PARD3: variants seen among roughly 807,000 people sequenced by gnomAD.
The protein encoded by PARD3 is partitioning defective 3 homolog.
A neutral mutation model predicts 155.4 loss-of-function variants in PARD3; 75 were observed. The ratio of observed to expected loss-of-function variants is 0.48; its 90% CI spans 0.40 to 0.58. The LOEUF (loss-of-function observed/expected upper bound fraction) is 0.58, where lower values mean the gene tolerates loss of function less well. Ranked by LOEUF, PARD3 falls within the 20% of genes least tolerant of loss-of-function variation. The pLI, the probability that PARD3 is intolerant of heterozygous loss-of-function variation, is 0.00. For synonymous variants in PARD3, 576 were observed against 610.5 expected (o/e 0.94, Z 0.83); for missense variants, 1,642 against 1,721.7 (o/e 0.95, Z 0.82).
chr10:34,327,473 G>A (rs753179398), intron 19 of PARD3, among the ~76,000 whole-genome samples: 10 of 152,208 alleles, frequency 6.6e-5, no homozygotes, highest in Non-Finnish European at 1.0e-4. Context: ...GAAGAGGCCA[G>A]CCTGTTCAGT....
At chr10:34,486,941 A>T (rs1295726707) in intron 3 of PARD3, among the ~76,000 whole-genome samples, 1 of 152,066 alleles carries the variant, frequency 6.6e-6, no homozygotes, top group African/African-American at 2.4e-5. Flanking sequence ...ATCATTTCTC[A>T]GCTTGATTTA....
chr10:34,504,441 A>AG (rs1284284058), intron 3 of PARD3, among the ~76,000 whole-genome samples: 3 of 152,010 alleles, frequency 2.0e-5, no homozygotes, highest in Admixed American at 1.3e-4. Flanking sequence ...AAAAAAAAAA[A>AG]AAAAGAAAAG....
At chr10:34,402,965 C>T (rs191558949) in intron 5 of PARD3, among the ~76,000 whole-genome samples, 1 of 152,134 alleles carries the variant, frequency 6.6e-6, no homozygotes, top group African/African-American at 2.4e-5. Flanking sequence ...ATTTGAATAA[C>T]GATAAAGATA....
intron 2 of PARD3, among the ~76,000 whole-genome samples, chr10:34,596,893 GA>G (rs1236890078): frequency 2.0e-5 from 3 of 152,142 alleles, no homozygotes; most frequent in Non-Finnish European, 4.4e-5. Flanking sequence ...GGAGAGTGGG[GA>G]TTTAACTAGT....
intron 20 of PARD3, among the ~76,000 whole-genome samples, chr10:34,314,618 T>C (rs1016691859): frequency 6.6e-6 from 1 of 152,208 alleles, no homozygotes; most frequent in East Asian, 1.9e-4. Context: ...TGGAATTCCA[T>C]AGACTTCCTG....
At chr10:34,340,095 T>C (rs1399000846) in intron 16 of PARD3, among the ~76,000 whole-genome samples, 2 of 152,218 alleles carry the variant, frequency 1.3e-5, no homozygotes, top group Non-Finnish European at 2.9e-5. Context: ...TCATTCATAT[T>C]ATTTTCTTTG....
rs2092260865 is a variant in PARD3, at chr10:34,631,349, TGA to T, written c.222+64967_222+64968del. ...GGCAAGTACATTGATTGAAGTAACA[TGA>T]GAGAGAAGGGGTGGGTGTAGCAAAA... On this transcript the variant is annotated intron_variant, in intron 2 of 24. Transcript: ENST00000374788. 2.0e-5 allele frequency among the ~76,000 whole-genome samples: 3 copies of T among 152,010 alleles called. No homozygotes were observed. In the South Asian group the frequency reaches 6.2e-4, roughly 32 times the overall value.
chr10:34,475,105 A>T (rs766598310), intron 3 of PARD3, among the ~76,000 whole-genome samples: 1 of 152,216 alleles, frequency 6.6e-6, no homozygotes, highest in Non-Finnish European at 1.5e-5. Context: ...GATGACCTCA[A>T]AGAGTTTTTG....
At chr10:34,482,328 G>C (rs963743677) in intron 3 of PARD3, among the ~76,000 whole-genome samples, 24 of 151,788 alleles carry the variant, frequency 1.6e-4, no homozygotes, top group Non-Finnish European at 2.6e-4. Flanking sequence ...CATCATGCCC[G>C]ACCTGGCTAA....
At chr10:34,532,527 G>C (rs1053632594) in intron 2 of PARD3, among the ~76,000 whole-genome samples, 1 of 148,520 alleles carries the variant, frequency 6.7e-6, no homozygotes, top group Non-Finnish European at 1.5e-5. Context: ...ACTGTGTGAA[G>C]TGCTGCTTAT....
chr10:34,494,497 A>C (rs1378579127), intron 3 of PARD3, among the ~76,000 whole-genome samples: 1 of 152,230 alleles, frequency 6.6e-6, no homozygotes, highest in Non-Finnish European at 1.5e-5. Context: ...TCACTTGACT[A>C]AACTGGAGAA....
At chr10:34,359,822 A>G (rs1839266748) in intron 13 of PARD3, among the ~76,000 whole-genome samples, 1 of 152,174 alleles carries the variant, frequency 6.6e-6, no homozygotes, top group African/African-American at 2.4e-5. Context: ...AAGTCTTTGC[A>G]TTGATTAACT....
At chr10:34,265,388 A>G (rs1955251426) in intron 22 of PARD3, among the ~76,000 whole-genome samples, 1 of 152,206 alleles carries the variant, frequency 6.6e-6, no homozygotes, top group Non-Finnish European at 1.5e-5. Flanking sequence ...TACCAGATCC[A>G]TATTTCTGAC....
chr10:34,746,066 C>T (rs1286843709), intron 1 of PARD3, among the ~76,000 whole-genome samples: 1 of 152,122 alleles, frequency 6.6e-6, no homozygotes, highest in Non-Finnish European at 1.5e-5. Context: ...CGCACCGCTG[C>T]ACTCCAGCCT....
chr10:34,651,083 C>T (rs1268194406), intron 2 of PARD3, among the ~76,000 whole-genome samples: 4 of 142,438 alleles, frequency 2.8e-5, no homozygotes, highest in African/African-American at 5.2e-5. Context: ...GGATGCACTT[C>T]ACTTCATGGT....
intron 3 of PARD3, among the ~76,000 whole-genome samples, chr10:34,476,457 C>G (rs531577764): frequency 6.6e-6 from 1 of 152,176 alleles, no homozygotes; most frequent in South Asian, 2.1e-4. Context: ...ACTCTGAAAA[C>G]AGTACTGCAC....
intron 1 of PARD3, among the ~76,000 whole-genome samples, chr10:34,786,169 A>G (rs928297621): frequency 9.9e-5 from 15 of 152,234 alleles, no homozygotes; most frequent in Non-Finnish European, 2.9e-5. Flanking sequence ...CCTCTCACCC[A>G]GCTAACTCAT....
intron 22 of PARD3, among the ~76,000 whole-genome samples, chr10:34,219,408 C>T (rs781287926): frequency 6.6e-6 from 1 of 152,140 alleles, no homozygotes; most frequent in Non-Finnish European, 1.5e-5. Context: ...GAGGAAGAAA[C>T]CCCACAAAAG....
At chr10:34,496,190 T>A in intron 3 of PARD3, among the ~76,000 whole-genome samples, 1 of 138,580 alleles carries the variant, frequency 7.2e-6, no homozygotes. Flanking sequence ...GGTGACAGAG[T>A]AAAACCATGT....
Sources: gnomAD v4.1 joint callset for allele counts (sites outside exome capture counted in the v4.1 genomes callset) on GRCh38, gnomAD v4.1.1 for gene constraint, MANE v1.5 for transcripts, NCBI Gene and HGNC (gene_info 2026-07-23, HGNC 2026-07-21) for gene names.